The following RIMBP2 variants were observed in gnomAD, a reference collection of about 807,000 sequenced individuals.
The protein encoded by RIMBP2 is RIMS binding protein 2.
In RIMBP2, 48 loss-of-function variants were observed where a neutral mutation model predicts 118.6. The ratio of observed to expected loss-of-function variants is 0.40; its 90% CI spans 0.32 to 0.51. RIMBP2 has a LOEUF of 0.51. RIMBP2 is among the 20% of genes least tolerant of loss of function. The pLI is 0.41. For missense variants in RIMBP2, 1,551 were observed against 1,768.3 expected (o/e 0.88, Z 2.20); for synonymous variants, 762 against 742.9 (o/e 1.03, Z -0.42).
chr12:130,541,365 G>C (rs2054587419), intron 2 of RIMBP2, among the ~76,000 whole-genome samples: 1 of 152,292 alleles, frequency 6.6e-6, no homozygotes. Flanking sequence ...GGTGTCTACA[G>C]GTCACTGCTT....
chr12:130,464,493 C>T (rs1223983212), intron 6 of RIMBP2, among the ~76,000 whole-genome samples: 1 of 152,094 alleles, frequency 6.6e-6, no homozygotes, highest in Non-Finnish European at 1.5e-5. Context: ...GTGCCAGGCC[C>T]TACGTGATTT....
At chr12:130,494,261 T>C (rs35559804) in intron 4 of RIMBP2, among the ~76,000 whole-genome samples, 20,825 of 152,018 alleles carry the variant, frequency 0.14, 2,439 homozygotes, top group African/African-American at 0.3. Context: ...GCCTAGAAGT[T>C]GGCACCTCCC....
chr12:130,517,201 G>T (rs1037287158), intron 3 of RIMBP2, among the ~76,000 whole-genome samples: 1 of 152,070 alleles, frequency 6.6e-6, no homozygotes, highest in Non-Finnish European at 1.5e-5. Context: ...GGAACTGCTG[G>T]CTTAATAAGA....
intron 1 of RIMBP2, among the ~76,000 whole-genome samples, chr12:130,684,694 C>T (rs1157999129): frequency 6.6e-6 from 1 of 152,196 alleles, no homozygotes; most frequent in Non-Finnish European, 1.5e-5. Context: ...ATAATAATAT[C>T]GATTCTTGCA....
chr12:130,592,241 C>T (rs548127291), intron 2 of RIMBP2, among the ~76,000 whole-genome samples: 1 of 152,334 alleles, frequency 6.6e-6, no homozygotes, highest in African/African-American at 2.4e-5. Context: ...AACCTGTTAC[C>T]ATCAGCCCTG....
intron 1 of RIMBP2, 92 bp downstream of exon 1, chr12:130,716,130 C>CGTT (rs968177248): frequency 6.6e-6 from 1 of 152,116 alleles, no homozygotes; most frequent in African/African-American, 2.4e-5. Flanking sequence ...TCCGGCTAAC[C>CGTT]CCCTGTGATC....
chr12:130,680,613 C>T (rs1458915017), intron 1 of RIMBP2, among the ~76,000 whole-genome samples: 1 of 152,192 alleles, frequency 6.6e-6, no homozygotes, highest in African/African-American at 2.4e-5. Flanking sequence ...GGCAATTTTG[C>T]CCCCACCCAC....
intron 17 of RIMBP2, among the ~76,000 whole-genome samples, chr12:130,421,640 C>T (rs777946898): frequency 4.0e-5 from 6 of 151,786 alleles, no homozygotes; most frequent in South Asian, 2.1e-4. Flanking sequence ...CAAACCAAGA[C>T]GGTTTCTCCT....
intron 2 of RIMBP2, among the ~76,000 whole-genome samples, chr12:130,600,471 C>A (rs1049465614): frequency 1.3e-5 from 2 of 151,274 alleles, no homozygotes; most frequent in Non-Finnish European, 1.5e-5. Flanking sequence ...CCCGTCTGGC[C>A]GGAAGGATGT....
At chr12:130,645,054 G>A (rs2062794220) in intron 1 of RIMBP2, among the ~76,000 whole-genome samples, 1 of 151,528 alleles carries the variant, frequency 6.6e-6, no homozygotes, top group Admixed American at 6.6e-5. Flanking sequence ...TGGTTGGAGT[G>A]TTTACACCAC....
intron 2 of RIMBP2, among the ~76,000 whole-genome samples, chr12:130,589,291 A>G (rs2059113353): frequency 6.6e-6 from 1 of 152,264 alleles, no homozygotes; most frequent in Non-Finnish European, 1.5e-5. Flanking sequence ...ATGTGCGCAC[A>G]CATACAACAC....
intron 3 of RIMBP2, among the ~76,000 whole-genome samples, chr12:130,510,002 G>C (rs1593584870): frequency 6.6e-6 from 1 of 152,340 alleles, no homozygotes; most frequent in Middle Eastern, 3.4e-3. Context: ...CCAGCATGAA[G>C]ATGCATTTAT....
At chr12:130,654,997 G>C (rs1038768186) in intron 1 of RIMBP2, among the ~76,000 whole-genome samples, 1 of 152,182 alleles carries the variant, frequency 6.6e-6, no homozygotes, top group African/African-American at 2.4e-5. Context: ...CTGCTCCCGT[G>C]ACCCAAACAC....
chr12:130,515,980 G>A (rs2051411615), intron 3 of RIMBP2, among the ~76,000 whole-genome samples: 2 of 152,198 alleles, frequency 1.3e-5, no homozygotes, highest in African/African-American at 4.8e-5. Flanking sequence ...TTACAGGTGT[G>A]AGCCACCACA....
At chr12:130,401,934 A>T (rs1268248195) in intron 21 of RIMBP2, among the ~76,000 whole-genome samples, 3 of 152,110 alleles carry the variant, frequency 2.0e-5, no homozygotes, top group Non-Finnish European at 4.4e-5. Context: ...ACACCACAAG[A>T]GGCGTGTGTA....
chr12:130,468,549 G>T (rs977588684), intron 6 of RIMBP2, among the ~76,000 whole-genome samples: 4 of 152,102 alleles, frequency 2.6e-5, no homozygotes, highest in African/African-American at 9.7e-5. Context: ...GGCCTGTCTC[G>T]GGGGCAACCC....
chr12:130,444,976 G>T (rs1170558048), intron 10 of RIMBP2, among the ~76,000 whole-genome samples, 184 bp downstream of exon 10: 3 of 152,210 alleles, frequency 2.0e-5, no homozygotes, highest in African/African-American at 7.2e-5. Context: ...CCCCACTCAG[G>T]TTTCTTTCCA....
chr12:130,677,422 G>A (rs1435411605), intron 1 of RIMBP2, among the ~76,000 whole-genome samples: 2 of 152,136 alleles, frequency 1.3e-5, no homozygotes, highest in Admixed American at 1.3e-4. Flanking sequence ...GAGGTCAGGA[G>A]TTCGAGACCA....
At position 130,698,345 on chromosome 12, in the gene RIMBP2, C is replaced by T. The variant is rs1047182855; in HGVS notation, c.-352+17877G>A. On this transcript the variant is annotated intron_variant, in intron 1 of 22. Coordinates refer to ENST00000690449, the MANE Select transcript of RIMBP2 (RefSeq NM_001393629.1). ...AAGGCCGTCCGTCCCTGCTACCGCTCCTAATGTCCTGGTCTCTGCCTCTCC... is the reference window on the plus strand; with the variant it reads ...AAGGCCGTCCGTCCCTGCTACCGCTTCTAATGTCCTGGTCTCTGCCTCTCC... Among the ~76,000 whole-genome samples the T allele has an allele frequency of 2.9e-4, 44 of 152,326 alleles. 1 individual carries two copies. The highest frequency in any genetic ancestry group is 9.9e-4 in the African/African-American group (41 of 41,558).
Sources: allele counts gnomAD v4.1 joint callset (sites outside exome capture counted in the v4.1 genomes callset), GRCh38; gene constraint gnomAD v4.1.1; transcripts MANE v1.5; gene names NCBI Gene and HGNC (gene_info 2026-07-23, HGNC 2026-07-21).